The following CEP85 variants were observed in gnomAD, a reference collection of about 807,000 sequenced individuals.
CEP85 encodes centrosomal protein of 85 kDa.
Under a neutral mutation model 93.7 loss-of-function variants are expected in CEP85, and 58 were observed. That is an observed-to-expected ratio of 0.62 (90% confidence interval 0.50 to 0.77). The LOEUF (loss-of-function observed/expected upper bound fraction) is 0.77. Among genes scored for constraint, CEP85 ranks in the 30% least tolerant of loss-of-function variants. CEP85 has a pLI of 0.00. For synonymous variants in CEP85, 314 were observed against 338.6 expected (o/e 0.93, Z 0.80); for missense variants, 868 against 922.0 (o/e 0.94, Z 0.76).
intron 10 of CEP85, chr1:26,271,541 A>AT (rs1460096047): frequency 1.2e-5 from 2 of 171,274 alleles, no homozygotes; most frequent in African/African-American, 4.8e-5. Flanking sequence ...TAAAAAAAAA[A>AT]GAAGACCCAT....
At chr1:26,256,388 A>G (rs2089701701) in intron 4 of CEP85, among the ~76,000 whole-genome samples, 1 of 151,826 alleles carries the variant, frequency 6.6e-6, no homozygotes, top group African/African-American at 2.4e-5. Context: ...AAAATTAGCC[A>G]GGTGTGGTGG....
At chr1:26,250,821 T>G (rs1163779224) in intron 3 of CEP85, among the ~76,000 whole-genome samples, 2 of 151,480 alleles carry the variant, frequency 1.3e-5, no homozygotes, top group Non-Finnish European at 2.9e-5. Flanking sequence ...GAGTGAGAAG[T>G]CCAAAGGCAT....
intron 7 of CEP85, among the ~76,000 whole-genome samples, 180 bp downstream of exon 7, chr1:26,259,982 T>G (rs1262497495): frequency 1.3e-5 from 2 of 152,152 alleles, no homozygotes; most frequent in African/African-American, 4.8e-5. Flanking sequence ...CTCTCCTCCC[T>G]CCCTCATTTT....
At chr1:26,241,945 G>C (rs1195466132) in intron 2 of CEP85, among the ~76,000 whole-genome samples, 1 of 151,770 alleles carries the variant, frequency 6.6e-6, no homozygotes, top group Non-Finnish European at 1.5e-5. Context: ...TGTATTTTTA[G>C]TAGAGACGGG....
chr1:26,243,648 C>T (rs2089462322), intron 2 of CEP85, among the ~76,000 whole-genome samples: 1 of 152,134 alleles, frequency 6.6e-6, no homozygotes, highest in Non-Finnish European at 1.5e-5. Context: ...CTGGATTCTT[C>T]ATGGGTCTTA....
chr1:26,274,850 T>C, intron 11 of CEP85, 114 bp from the exon 12 acceptor site: 2 of 740,850 alleles, frequency 2.7e-6, no homozygotes, highest in Non-Finnish European at 4.5e-6. Flanking sequence ...TGATTTCTTA[T>C]GAGGGTGTAG....
intron 3 of CEP85, among the ~76,000 whole-genome samples, chr1:26,251,082 A>G (rs1434999795): frequency 6.7e-6 from 1 of 149,912 alleles, no homozygotes; most frequent in East Asian, 2.0e-4. Context: ...AGCTGGGATT[A>G]CAGGCACCCG....
At position 26,271,084 on chromosome 1, in the gene CEP85, A is replaced by C. The variant is rs1408973375; in HGVS notation, c.1720A>C (p.Lys574Gln). Residue 574 changes from lysine to glutamine, a missense_variant, in exon 10 of 14, where the codon AAG (lysine) becomes CAG (glutamine). Physicochemically the swap from Lys to Gln is moderately conservative, Grantham distance 53. Transcript: ENST00000451429. ...AGAAGTGGAAATGGAGTCCTGGCAG[A>C]AGCGATACGATTCGCTCCAAAAGGT... ...GPEVEMESWQKRYDSLQKIVE... is the reference protein window; with the variant it reads ...GPEVEMESWQQRYDSLQKIVE... 1.9e-6 allele frequency: 3 copies of C among 1,612,104 alleles called. No individual in the cohort carries two copies. Among genetic ancestry groups the C allele is most frequent in the Non-Finnish European group, 2.5e-6 (3 of 1,178,266 alleles).
chr1:26,260,045 C>G (rs2089782165), intron 7 of CEP85, among the ~76,000 whole-genome samples: 1 of 152,220 alleles, frequency 6.6e-6, no homozygotes, highest in Admixed American at 6.5e-5. Flanking sequence ...TGATCCCTCA[C>G]TGTCCCAGGT....
chr1:26,277,006 TC>T, intron 13 of CEP85, 129 bp from the exon 14 acceptor site: 2 of 1,018,410 alleles, frequency 2.0e-6, no homozygotes, highest in Non-Finnish European at 3.0e-6. Context: ...TAACCCACTG[TC>T]CCCAGATGCT....
intron 8 of CEP85, 26 bp from the exon 9 acceptor site, chr1:26,269,434 C>T (rs372548352): frequency 6.2e-7 from 1 of 1,609,782 alleles, no homozygotes; most frequent in African/African-American, 1.3e-5. Flanking sequence ...GCTTATTTGA[C>T]CTAAACATGG....
At chr1:26,237,014 A>G (rs185571909) in intron 1 of CEP85, among the ~76,000 whole-genome samples, 63 of 152,288 alleles carry the variant, frequency 4.1e-4, no homozygotes, top group Non-Finnish European at 7.8e-4. Flanking sequence ...AATGTTTCTT[A>G]CAGACATCTG....
chr1:26,267,299 C>T (rs1042838574), intron 7 of CEP85, among the ~76,000 whole-genome samples: 21 of 152,312 alleles, frequency 1.4e-4, no homozygotes, highest in Middle Eastern at 3.4e-3. Flanking sequence ...TGCAGTGGCT[C>T]ATGCCTGTAA....
At chr1:26,260,502 A>G (rs1449861122) in intron 7 of CEP85, among the ~76,000 whole-genome samples, 1 of 80,216 alleles carries the variant, frequency 1.2e-5, no homozygotes, top group Admixed American at 1.5e-4. Context: ...CCGTCTCAGG[A>G]AAAAAAAAAA....
chr1:26,271,836 G>A, intron 10 of CEP85, 185 bp from the exon 11 acceptor site: 1 of 614,568 alleles, frequency 1.6e-6, no homozygotes. Context: ...GCACAACTGT[G>A]AAGCTAGTTA....
chr1:26,241,029 G>C (rs1356138720), intron 2 of CEP85, among the ~76,000 whole-genome samples: 3 of 152,034 alleles, frequency 2.0e-5, no homozygotes, highest in Non-Finnish European at 1.5e-5. Flanking sequence ...TAATATTTTA[G>C]AAAAATGACT....
chr1:26,259,809 T>C lies in CEP85; in HGVS notation c.1341+7T>C. ...GAAGAAACAGGAAGAAAGGGTGAGC[T>C]GAGTAGCTGATAGCCCTAGTTCACA... On this transcript the variant is annotated splice_region_variant and intron_variant, in intron 7 of 13. Coordinates refer to ENST00000451429, the MANE Select transcript of CEP85 (RefSeq NM_001319944.2). The C allele has an allele frequency of 1.2e-6, 2 of 1,604,542 alleles. No homozygotes were observed. Among genetic ancestry groups the C allele is most frequent in the Non-Finnish European group, 1.7e-6 (2 of 1,175,344 alleles).
intron 1 of CEP85, among the ~76,000 whole-genome samples, chr1:26,239,445 G>A (rs539020282): frequency 1.2e-4 from 18 of 151,966 alleles, no homozygotes; most frequent in Non-Finnish European, 2.4e-4. Flanking sequence ...TCTGCCTCCC[G>A]GGTTCAAGCA....
At chr1:26,240,003 C>A (rs1029151746) in intron 2 of CEP85, among the ~76,000 whole-genome samples, 165 bp downstream of exon 2, 18 of 152,084 alleles carry the variant, frequency 1.2e-4, no homozygotes, top group African/African-American at 4.3e-4. Flanking sequence ...TCTGAGGGAA[C>A]AAGTATTTAT....
Sources: gnomAD v4.1 joint callset for allele counts (sites outside exome capture counted in the v4.1 genomes callset) on GRCh38, gnomAD v4.1.1 for gene constraint, MANE v1.5 for transcripts, NCBI Gene and HGNC (gene_info 2026-07-23, HGNC 2026-07-21) for gene names.